Variants in MYH10 observed in about 807,000 individuals in gnomAD.
MYH10 encodes myosin-10.
MYH10 carries 55 observed loss-of-function variants against 257.8 expected under a neutral mutation model. That is an observed-to-expected ratio of 0.21 (90% CI 0.17 to 0.27). MYH10 has a LOEUF of 0.27. Ranked by LOEUF, MYH10 falls within the 10% of genes least tolerant of loss-of-function variation. The pLI, the probability that MYH10 is intolerant of heterozygous loss-of-function variation, is 1.00. For missense variants in MYH10, 1,631 were observed against 2,500.6 expected (o/e 0.65, Z 7.42); for synonymous variants, 854 against 921.7 (o/e 0.93, Z 1.33).
chr17:8,487,771 T>C (rs1203269114), intron 35 of MYH10, among the ~76,000 whole-genome samples, 177 bp from the exon 36 acceptor site: 1 of 152,208 alleles, frequency 6.6e-6, no homozygotes, highest in East Asian at 1.9e-4. Context: ...AGCTGAATTT[T>C]GTTCAAAGGG....
intron 21 of MYH10, among the ~76,000 whole-genome samples, chr17:8,515,533 CTTTTTTTTTTTTTTTT>C (rs562174128): frequency 2.3e-5 from 2 of 86,874 alleles, no homozygotes; most frequent in East Asian, 3.7e-4. Context: ...TTAGCCAAGT[CTTTTTTTTTTTTTTTT>C]TTTTTTTTTT....
chr17:8,530,522 A>AACCCC, intron 17 of MYH10, 101 bp downstream of exon 17: 1 of 238,538 alleles, frequency 4.2e-6, no homozygotes, highest in Non-Finnish European at 8.0e-6. Flanking sequence ...CCCCCAGTCT[A>AACCCC]CCCCCGCCCT....
intron 2 of MYH10, among the ~76,000 whole-genome samples, chr17:8,622,073 C>T (rs2085487746): frequency 6.6e-6 from 1 of 152,170 alleles, no homozygotes; most frequent in South Asian, 2.1e-4. Flanking sequence ...GTAGCACACT[C>T]CTTGTGTAAA....
intron 40 of MYH10, among the ~76,000 whole-genome samples, chr17:8,479,543 T>G (rs1014058142): frequency 6.6e-6 from 1 of 152,000 alleles, no homozygotes; most frequent in Non-Finnish European, 1.5e-5. Context: ...GGATGCAGGG[T>G]TCTGGCCGCG....
intron 17 of MYH10, among the ~76,000 whole-genome samples, chr17:8,526,175 T>C (rs1197139445): frequency 5.9e-5 from 9 of 152,210 alleles, no homozygotes; most frequent in African/African-American, 2.2e-4. Context: ...TTTGGGAAAT[T>C]CATTAAATGA....
In MYH10 at chr17:8,577,342, A is replaced by G; in HGVS notation, c.531-4T>C. The G allele has an allele frequency of 6.2e-6, 10 of 1,603,944 alleles. 1 individual carries two copies. Among genetic ancestry groups the G allele is most frequent in the Middle Eastern group, 1.7e-4 (1 of 6,028 alleles). ...CTTCCCAGCACCTGACTCACCCCTG[A>G]AAGAAAGAGTTAATATAGGCTGCTT... is the stretch of plus-strand genomic sequence containing the variant. On this transcript the variant is annotated splice_polypyrimidine_tract_variant and splice_region_variant and intron_variant, in intron 4 of 42. Coordinates refer to ENST00000360416, the MANE Select transcript of MYH10 (RefSeq NM_001256012.3).
At chr17:8,493,948 T>C in intron 31 of MYH10, 63 bp from the exon 32 acceptor site, 1 of 1,525,454 alleles carries the variant, frequency 6.6e-7, no homozygotes, top group Non-Finnish European at 8.8e-7. Flanking sequence ...AATACACCTG[T>C]ATTAAAGAAT....
At chr17:8,607,689 T>TA (rs887706187) in intron 2 of MYH10, among the ~76,000 whole-genome samples, 1 of 152,222 alleles carries the variant, frequency 6.6e-6, no homozygotes, top group Admixed American at 6.5e-5. Context: ...CTGGAGACCT[T>TA]AAAGTTCAAA....
chr17:8,546,338 T>C (rs1470389129), intron 12 of MYH10, among the ~76,000 whole-genome samples: 2 of 151,796 alleles, frequency 1.3e-5, no homozygotes, highest in African/African-American at 4.8e-5. Context: ...GGATTACAGG[T>C]GTGAGCCACC....
intron 42 of MYH10, among the ~76,000 whole-genome samples, chr17:8,476,471 G>A (rs1912635952): frequency 6.6e-6 from 1 of 152,200 alleles, no homozygotes; most frequent in Admixed American, 6.5e-5. Context: ...CTCACGCTCT[G>A]CCCTCTCACT....
At position 8,480,153 on chromosome 17, in the gene MYH10, C is replaced by T. The variant is rs765135062; in HGVS notation, c.5554G>A (p.Ala1852Thr). The T allele has an allele frequency of 1.2e-6, 2 of 1,614,196 alleles. No individual in the cohort carries two copies. The highest frequency in any genetic ancestry group is 4.5e-5 in the East Asian group (2 of 44,884). ...TGCTCCTCCAGCTGCCCAATCTTGG[C>T]CTCCAGGGCTGAGATGGTGGCCTTG... Reference protein sequence around the residue: ...KFKATISALEAKIGQLEEQLE... With the variant: ...KFKATISALETKIGQLEEQLE... The change falls in exon 40 of 43, where the codon GCC becomes ACC. Residue 1852 changes from alanine (A) to threonine (T), a missense_variant. Physicochemically the swap from Ala to Thr is moderately conservative, Grantham distance 58 (BLOSUM62 0). Transcript: ENST00000360416.
intron 17 of MYH10, among the ~76,000 whole-genome samples, chr17:8,526,125 T>G (rs1374081484): frequency 6.6e-6 from 1 of 152,200 alleles, no homozygotes; most frequent in Non-Finnish European, 1.5e-5. Flanking sequence ...CAGGGTTAGA[T>G]TCCACCAACA....
chr17:8,513,906 T>G lies in MYH10; in HGVS notation c.2505-12A>C, dbSNP rs2081377843. On this transcript the variant is annotated splice_polypyrimidine_tract_variant and intron_variant, in intron 21 of 42. Coordinates refer to ENST00000360416, the MANE Select transcript of MYH10 (RefSeq NM_001256012.3). ...TCTTGGCAAAGGCCCTGAAGAACAATAAGAAAAACTTATGATGTAAAGAAA... is the reference window on the plus strand; with the variant it reads ...TCTTGGCAAAGGCCCTGAAGAACAAGAAGAAAAACTTATGATGTAAAGAAA... 4 of 1,608,514 alleles carry G rather than the reference T, an allele frequency of 2.5e-6. No individual in the cohort carries two copies. Among genetic ancestry groups the G allele is most frequent in the Middle Eastern group, 1.7e-4 (1 of 6,052 alleles).
chr17:8,505,986 A>G (rs75130510), intron 27 of MYH10: 16 of 180,966 alleles, frequency 8.8e-5, no homozygotes, highest in Non-Finnish European at 1.6e-4. Flanking sequence ...TTCAAAAAAA[A>G]AAAATAAATA....
chr17:8,551,781 C>T (rs962658435), intron 9 of MYH10, among the ~76,000 whole-genome samples: 12 of 152,096 alleles, frequency 7.9e-5, no homozygotes, highest in African/African-American at 1.4e-4. Context: ...TTGTAAAATA[C>T]GCATCATTTG....
intron 3 of MYH10, among the ~76,000 whole-genome samples, chr17:8,592,573 G>C (rs1244554878): frequency 6.6e-6 from 1 of 151,536 alleles, no homozygotes; most frequent in Non-Finnish European, 1.5e-5. Flanking sequence ...TTATTTAAAA[G>C]ACACAACCAC....
intron 7 of MYH10, among the ~76,000 whole-genome samples, chr17:8,554,758 C>T (rs12602156): frequency 0.51 from 77,451 of 151,902 alleles, 20,547 homozygotes; most frequent in Middle Eastern, 0.62. Context: ...AAGACCAGCC[C>T]GGCCAATACG....
At chr17:8,523,382 A>G (rs958020768) in intron 17 of MYH10, among the ~76,000 whole-genome samples, 16 of 152,398 alleles carry the variant, frequency 1.0e-4, no homozygotes, top group African/African-American at 3.8e-4. Context: ...GTAATTAAAA[A>G]GAGTGAGAAA....
At position 8,539,164 on chromosome 17, in the gene MYH10, C is replaced by T. The variant is rs1161363755; in HGVS notation, c.1605+2943G>A. Reference sequence around the variant, plus strand: ...GCTCCTAGACCTGGGACTTCCCAGCCTATAGACTACAAGAAATCAATTTCT... The same window carrying T: ...GCTCCTAGACCTGGGACTTCCCAGCTTATAGACTACAAGAAATCAATTTCT... On this transcript the variant is annotated intron_variant, in intron 14 of 42. Transcript: ENST00000360416. 2.6e-5 allele frequency among the ~76,000 whole-genome samples: 4 copies of T among 152,196 alleles called. 1 individual carries two copies. The highest frequency in any genetic ancestry group is 4.4e-5 in the Non-Finnish European group (3 of 68,040).
Sources: gnomAD v4.1 joint callset for allele counts (sites outside exome capture counted in the v4.1 genomes callset) on GRCh38, gnomAD v4.1.1 for gene constraint, MANE v1.5 for transcripts, NCBI Gene and HGNC (gene_info 2026-07-23, HGNC 2026-07-21) for gene names.